Variants in DAGLA observed in about 807,000 individuals in gnomAD.
The protein encoded by DAGLA is diacylglycerol lipase alpha.
DAGLA carries 22 observed loss-of-function variants against 102.6 expected under a neutral mutation model. The observed-to-expected ratio is 0.21, with a 90% CI of 0.15 to 0.31. DAGLA has a LOEUF of 0.31. Among genes scored for constraint, DAGLA ranks in the 10% least tolerant of loss-of-function variants. The pLI is 1.00. For synonymous variants in DAGLA, 578 were observed against 628.9 expected (o/e 0.92, Z 1.21); for missense variants, 927 against 1,446.6 (o/e 0.64, Z 5.83).
intron 16 of DAGLA, among the ~76,000 whole-genome samples, chr11:61,738,593 C>T (rs1591053425): frequency 6.6e-6 from 1 of 152,210 alleles, no homozygotes. Context: ...CTGAGATTCC[C>T]TAGGCTCAGG....
chr11:61,712,475 CCTGCCCCTGG>C (rs1368695206), intron 1 of DAGLA, among the ~76,000 whole-genome samples: 1 of 152,208 alleles, frequency 6.6e-6, no homozygotes, highest in Non-Finnish European at 1.5e-5. Flanking sequence ...GCCTCCCACT[CCTGCCCCTGG>C]CTGCACAAGG....
chr11:61,728,092 TG>T, intron 6 of DAGLA, 60 bp from the exon 7 acceptor site: 2 of 1,594,770 alleles, frequency 1.3e-6, no homozygotes, highest in Non-Finnish European at 1.7e-6. Flanking sequence ...GATTTACTCC[TG>T]GCCTCTCGTC....
At chr11:61,715,178 A>G (rs1325600354) in intron 1 of DAGLA, among the ~76,000 whole-genome samples, 1 of 152,170 alleles carries the variant, frequency 6.6e-6, no homozygotes, top group Non-Finnish European at 1.5e-5. Flanking sequence ...GTGGAATGAG[A>G]GCGACACTGC....
intron 1 of DAGLA, among the ~76,000 whole-genome samples, chr11:61,712,240 T>G (rs1002421010): frequency 1.3e-5 from 2 of 152,158 alleles, no homozygotes; most frequent in Non-Finnish European, 2.9e-5. Flanking sequence ...GACACTCACT[T>G]GCTAGCTTCT....
rs1419938277 is a variant in DAGLA at position 61,684,935 on chromosome 11, A to T, written c.-45+4431A>T. Among the ~76,000 whole-genome samples, 1 of 152,066 alleles carries T rather than the reference A, an allele frequency of 6.6e-6. No homozygotes were observed. Among genetic ancestry groups the T allele is most frequent in the Admixed American group, 6.6e-5 (1 of 15,266 alleles). On this transcript the variant is annotated intron_variant, in intron 1 of 19. Coordinates refer to ENST00000257215, the MANE Select transcript of DAGLA (RefSeq NM_006133.3). This position sits in a 1 kb window ranked among gnomAD's most constrained non-coding sequence, Gnocchi z 4.5. ...TTCATACCTCATGTTATGACTCTTTACATGAGGAGCCGAGTGCTTTCTCAG... is the reference window on the plus strand; with the variant it reads ...TTCATACCTCATGTTATGACTCTTTTCATGAGGAGCCGAGTGCTTTCTCAG...
At chr11:61,695,673 G>A (rs561283631) in intron 1 of DAGLA, among the ~76,000 whole-genome samples, 2 of 152,306 alleles carry the variant, frequency 1.3e-5, no homozygotes, top group South Asian at 4.1e-4. Flanking sequence ...TGTTCTTCTT[G>A]GCTCCTCTTT....
chr11:61,720,594 T>G (rs2065273381), intron 2 of DAGLA, 85 bp from the exon 3 acceptor site: 5 of 1,280,742 alleles, frequency 3.9e-6, no homozygotes, highest in Non-Finnish European at 5.6e-6. Context: ...CCACTGAATC[T>G]GGGCTGGGGA....
In DAGLA at chr11:61,744,276, C is replaced by A. The variant is rs1200793525; in HGVS notation, c.2916C>A (p.Pro972=). The part of the protein sequence containing the change: ...AQFEPNLVPK[P]PRLFAGSADP... ...TCGAGCCCAACCTGGTGCCCAAGCC[C>A]CCACGGCTCTTTGCCGGCTCAGCCG... is the stretch of plus-strand genomic sequence containing the variant. The change falls in exon 20 of 20, where the codon CCC becomes CCA. Residue 972 remains proline (P), a synonymous_variant. Coordinates refer to ENST00000257215, the MANE Select transcript of DAGLA (RefSeq NM_006133.3). 1 of 1,613,006 alleles carries A rather than the reference C, an allele frequency of 6.2e-7. No homozygotes were observed. The highest frequency in any genetic ancestry group is 2.2e-5 in the East Asian group (1 of 44,872).
At chr11:61,731,591 T>C (rs2065375670) in intron 9 of DAGLA, 150 bp downstream of exon 9, 3 of 1,148,652 alleles carry the variant, frequency 2.6e-6, no homozygotes, top group Admixed American at 4.5e-5. Context: ...TTCTGTGTTA[T>C]CCCTGAGCAG....
chr11:61,715,714 A>G (rs1268559091), intron 1 of DAGLA, among the ~76,000 whole-genome samples: 1 of 152,032 alleles, frequency 6.6e-6, no homozygotes, highest in Non-Finnish European at 1.5e-5. Context: ...CACCTTCCAG[A>G]CCCCAGCACC....
chr11:61,705,446 A>C (rs1326409997), intron 1 of DAGLA, among the ~76,000 whole-genome samples: 2 of 151,836 alleles, frequency 1.3e-5, no homozygotes, highest in Non-Finnish European at 2.9e-5. Context: ...CCAGGCCTCC[A>C]CTGTCCTCAC....
chr11:61,730,308 A>T (rs1044567201), intron 8 of DAGLA, among the ~76,000 whole-genome samples: 1 of 151,682 alleles, frequency 6.6e-6, no homozygotes, highest in African/African-American at 2.4e-5. Flanking sequence ...AGTGACTCCC[A>T]TCGAGGTGCC....
Position 61,743,803 on chromosome 11 carries a change from C to T in DAGLA, c.2443C>T (p.Arg815Cys), listed in dbSNP as rs780135267. 2.5e-5 allele frequency: 41 copies of T among 1,612,432 alleles called. No homozygotes were observed. Among genetic ancestry groups the T allele is most frequent in the South Asian group, 2.0e-4 (18 of 91,090 alleles). ...CCCCAGCCTCCACGCTGTGCTGGAG[C>T]GTGATGAAGGCCACCTCTTCTACAT... ...GSPSLHAVLE[R>C]DEGHLFYIDP... is the part of the protein sequence containing the mutation. The change falls in exon 20 of 20, where the codon CGT (arginine) becomes TGT (cysteine). Residue 815 changes from arginine (R) to cysteine (C), a missense_variant. By Grantham distance (180) the Arg-to-Cys change is radical (BLOSUM62 -3). Transcript: ENST00000257215.
chr11:61,728,538 G>A (rs2065349852), intron 7 of DAGLA, among the ~76,000 whole-genome samples: 1 of 152,190 alleles, frequency 6.6e-6, no homozygotes, highest in Non-Finnish European at 1.5e-5. Flanking sequence ...TCTGGGGCTG[G>A]CCCTCAAAGG....
rs1338620023 is a variant in DAGLA, at chr11:61,696,527, G to T, written c.-45+16023G>T. On this transcript the variant is annotated intron_variant, in intron 1 of 19. Coordinates refer to ENST00000257215, the MANE Select transcript of DAGLA (RefSeq NM_006133.3). ...CCTGTGGGAGAGGCAGGAGAATAGG[G>T]AAGCCATTGATTCCCTCCATCCCTC... is the stretch of plus-strand genomic sequence containing the variant. 2.1e-5 allele frequency among the ~76,000 whole-genome samples: 3 copies of T among 140,056 alleles called. No individual in the cohort carries two copies. In the Admixed American group the frequency reaches 2.3e-4, roughly 11 times the overall value. 91.9% of individuals were successfully genotyped at this position (140,056 alleles called of 152,430 possible). A position where few individuals can be genotyped will look rare whatever the true frequency, so the allele number is the denominator to read the frequency against.
intron 1 of DAGLA, among the ~76,000 whole-genome samples, chr11:61,690,084 C>T (rs2065012092): frequency 6.6e-6 from 1 of 152,190 alleles, no homozygotes; most frequent in Admixed American, 6.5e-5. Flanking sequence ...GCACCGCAAA[C>T]TCTCCTGGGC....
chr11:61,681,475 A>C (rs1316572226), intron 1 of DAGLA, among the ~76,000 whole-genome samples: 2 of 152,094 alleles, frequency 1.3e-5, no homozygotes, highest in East Asian at 3.9e-4. Context: ...CTGAGAAGCA[A>C]GCAGGACCAA....
chr11:61,738,217 C>G lies in DAGLA; in HGVS notation c.1656+10C>G. 1.9e-6 allele frequency: 3 copies of G among 1,609,638 alleles called. No individual in the cohort carries two copies. Among genetic ancestry groups the G allele is most frequent in the Non-Finnish European group, 2.5e-6 (3 of 1,178,144 alleles). ...AAGCACCAAGCCCAAAGTGAGCCCC[C>G]ACCTGGGCACCCTGCCTCTGTGCAG... is the stretch of plus-strand genomic sequence containing the variant. On this transcript the variant is annotated intron_variant, in intron 16 of 19. Coordinates refer to ENST00000257215, the MANE Select transcript of DAGLA (RefSeq NM_006133.3).
At chr11:61,740,782 C>T (rs994726081) in intron 18 of DAGLA, among the ~76,000 whole-genome samples, 190 bp downstream of exon 18, 1 of 152,192 alleles carries the variant, frequency 6.6e-6, no homozygotes, top group African/African-American at 2.4e-5. Context: ...TCCACATCAC[C>T]ACGTTGCCCC....
Sources: gnomAD v4.1 joint callset for allele counts (sites outside exome capture counted in the v4.1 genomes callset) on GRCh38, gnomAD v4.1.1 for gene constraint, Gnocchi (gnomAD v3.1) non-coding constraint, MANE v1.5 for transcripts, NCBI Gene and HGNC (gene_info 2026-07-23, HGNC 2026-07-21) for gene names.